The following ZC3H4 variants were observed in gnomAD, a reference collection of about 807,000 sequenced individuals.
ZC3H4 encodes zinc finger CCCH-type containing 4, also known as zinc finger CCCH domain-containing protein 4.
ZC3H4 carries 13 observed loss-of-function variants against 108.3 expected under a neutral mutation model. The ratio of observed to expected loss-of-function variants is 0.12; its 90% CI spans 0.08 to 0.19. The LOEUF (loss-of-function observed/expected upper bound fraction) is 0.19, where lower values mean the gene tolerates loss of function less well. Among genes scored for constraint, ZC3H4 ranks in the 10% least tolerant of loss-of-function variants. The pLI, the probability that ZC3H4 is intolerant of heterozygous loss-of-function variation, is 1.00. For synonymous variants in ZC3H4, 917 were observed against 749.6 expected (o/e 1.22, Z -3.65); for missense variants, 1,734 against 1,838.8 (o/e 0.94, Z 1.04).
intron 4 of ZC3H4, among the ~76,000 whole-genome samples, chr19:47,093,215 CAAAAAAAA>C (rs918382221): frequency 4.1e-5 from 2 of 48,420 alleles, no homozygotes; most frequent in Non-Finnish European, 8.6e-5. Context: ...GACTCTGCCT[CAAAAAAAA>C]AAAAAAAAAA....
chr19:47,081,412 G>A lies in ZC3H4; in HGVS notation c.1440+101C>T, dbSNP rs946309340. On this transcript the variant is annotated intron_variant, in intron 11 of 14. Coordinates refer to ENST00000253048, the MANE Select transcript of ZC3H4 (RefSeq NM_015168.2). ...GGCCCAATTCCAGATCAACCAAACT[G>A]GGCACTGCAGAGGCTGGACAGGCAG... 26 of 888,782 alleles carry A rather than the reference G, an allele frequency of 2.9e-5. No individual in the cohort carries two copies. The African/African-American group carries it at 3.6e-4, about 12-fold the overall frequency. The allele number at this position is 888,782 out of a possible 1,614,324, so 55.1% of individuals were successfully genotyped here. A position where few individuals can be genotyped will look rare whatever the true frequency, so the allele number is the denominator to read the frequency against.
chr19:47,094,689 A>G, intron 2 of ZC3H4, 81 bp from the exon 3 acceptor site: 2 of 1,433,482 alleles, frequency 1.4e-6, no homozygotes, highest in Non-Finnish European at 1.9e-6. Context: ...CAAGGCTGAC[A>G]GGAACCGAAG....
Position 47,085,360 on chromosome 19 carries a change from C to A in ZC3H4, c.925G>T (p.Glu309Ter). 1.2e-6 allele frequency: 2 copies of A among 1,603,732 alleles called. No homozygotes were observed. The highest frequency in any genetic ancestry group is 1.7e-6 in the Non-Finnish European group (2 of 1,174,596). Residue 309 changes from glutamate (E) to a stop codon, truncating the protein, a stop_gained, in exon 7 of 15, where the codon GAG becomes TAG. Transcript: ENST00000253048. LOFTEE classifies it high-confidence loss of function. ...TTGGAGCGGCGGTACTGGTTCAGCTCCTTGGAGTACTCGTCATAGTCGTCG... is the reference window on the plus strand; with the variant it reads ...TTGGAGCGGCGGTACTGGTTCAGCTACTTGGAGTACTCGTCATAGTCGTCG... ...GDDDYDEYSK[E>*]LNQYRRSKDS...
chr19:47,089,161 G>A (rs142114524), intron 5 of ZC3H4, among the ~76,000 whole-genome samples: 3,875 of 141,844 alleles, frequency 0.027, 146 homozygotes, highest in African/African-American at 0.089. Context: ...AGCCGAGATC[G>A]CGCCACTGCA....
In ZC3H4 at chr19:47,112,486, G is replaced by A; in HGVS notation, c.99C>T (p.Ser33=). The change falls in exon 2 of 15, where the codon TCC becomes TCT. Residue 33 remains serine (S), a synonymous_variant. Coordinates refer to ENST00000253048, the MANE Select transcript of ZC3H4 (RefSeq NM_015168.2). ...PPSTPSPPPC[S]PDARPATPHL... is the part of the protein sequence containing the mutation. ...GCGGGGTGGCCGGGCGGGCGTCGGG[G>A]GAACACGGAGGAGGCGAAGGCGTTG... 2 of 1,158,338 alleles carry A rather than the reference G, an allele frequency of 1.7e-6. No individual in the cohort carries two copies. The highest frequency in any genetic ancestry group is 2.2e-6 in the Non-Finnish European group (2 of 912,864). 71.8% of individuals were successfully genotyped at this position (1,158,338 alleles called of 1,614,324 possible).
Position 47,089,363 on chromosome 19 carries a change from CTTTTTGG to C in ZC3H4, c.715+597_715+603del, listed in dbSNP as rs544507999. The stretch of plus-strand genomic sequence containing the variant: ...TCTGGCAGGAGATGGTTCAATGGTT[CTTTTTGG>C]TTGCTGTTGTTGGTCAGGCTGGTCT... On this transcript the variant is annotated intron_variant, in intron 5 of 14. Transcript: ENST00000253048. Among the ~76,000 whole-genome samples, 722 of 152,106 alleles carry C rather than the reference CTTTTTGG, an allele frequency of 4.7e-3. 3 individuals carry two copies. The highest frequency in any genetic ancestry group is 0.016 in the African/African-American group (676 of 41,504).
intron 8 of ZC3H4, 152 bp downstream of exon 8, chr19:47,084,904 G>C: frequency 9.8e-7 from 1 of 1,023,548 alleles, no homozygotes; most frequent in South Asian, 1.5e-5. Context: ...GATAACTCTA[G>C]TTGTCGCTGG....
At position 47,072,777 on chromosome 19, in the gene ZC3H4, G is replaced by A. The variant is rs753589264; in HGVS notation, c.1441-64C>T. 3.0e-5 allele frequency: 48 copies of A among 1,579,796 alleles called. No individual in the cohort carries two copies. Among genetic ancestry groups the A allele is most frequent in the Non-Finnish European group, 3.9e-5 (45 of 1,162,364 alleles). On this transcript the variant is annotated intron_variant, in intron 11 of 14. Coordinates refer to ENST00000253048, the MANE Select transcript of ZC3H4 (RefSeq NM_015168.2). This position sits in a 1 kb window ranked among gnomAD's most constrained non-coding sequence, Gnocchi z 5.6. ...TCAGGATGGAAACGGACCTCTCCAG[G>A]TCTGAGAGCTGAAGTTTATGAGGAA...
rs2057788051 is a variant in ZC3H4 at position 47,094,373 on chromosome 19, G to C, written c.381+16C>G. 1.2e-6 allele frequency: 2 copies of C among 1,613,264 alleles called. No homozygotes were observed. The highest frequency in any genetic ancestry group is 1.7e-5 in the Admixed American group (1 of 60,004). ...CAATGCCAGGCAGTGGCAGTCCCAG[G>C]GGATCTCCGACCTACTTTGTGCTTG... On this transcript the variant is annotated intron_variant, in intron 3 of 14. Coordinates refer to ENST00000253048, the MANE Select transcript of ZC3H4 (RefSeq NM_015168.2).
At chr19:47,103,203 G>A (rs1172968126) in intron 2 of ZC3H4, among the ~76,000 whole-genome samples, 3 of 152,178 alleles carry the variant, frequency 2.0e-5, no homozygotes, top group Non-Finnish European at 4.4e-5. Context: ...GTTTAAAGCT[G>A]CAAAGATCAT....
At chr19:47,105,519 G>GA (rs1306624724) in intron 2 of ZC3H4, among the ~76,000 whole-genome samples, 1 of 152,296 alleles carries the variant, frequency 6.6e-6, no homozygotes, top group East Asian at 1.9e-4. Flanking sequence ...AGAATCCCTT[G>GA]AACCAGGAGG....
chr19:47,072,436 T>C lies in ZC3H4; in HGVS notation c.1718A>G (p.Gln573Arg), dbSNP rs1453400696. 5 of 1,609,890 alleles carry C rather than the reference T, an allele frequency of 3.1e-6. No homozygotes were observed. The highest frequency in any genetic ancestry group is 4.2e-6 in the Non-Finnish European group (5 of 1,178,306). Residue 573 changes from glutamine (Q) to arginine (R), a missense_variant, in exon 12 of 15, where the codon CAG (glutamine) becomes CGG (arginine). Coordinates refer to ENST00000253048, the MANE Select transcript of ZC3H4 (RefSeq NM_015168.2). The surrounding 1 kb of genome is among the most constrained non-coding windows in gnomAD (Gnocchi z 5.6). ...EPLSPQQLQQ[Q>R]DMYNKKIPSL... ...GGGGATCTTCTTGTTGTACATGTCCTGCTGCTGCAGCTGCTGCGGGGACAG... is the reference window on the plus strand; with the variant it reads ...GGGGATCTTCTTGTTGTACATGTCCCGCTGCTGCAGCTGCTGCGGGGACAG...
chr19:47,066,590 A>C lies in ZC3H4; in HGVS notation c.3678T>G (p.Ala1226=), dbSNP rs2057202051. 2 of 1,598,812 alleles carry C rather than the reference A, an allele frequency of 1.3e-6. No homozygotes were observed. Residue 1226 remains alanine, a synonymous_variant, in exon 15 of 15, where the codon GCT becomes GCG. Coordinates refer to ENST00000253048, the MANE Select transcript of ZC3H4 (RefSeq NM_015168.2). ...TGGCGGTGGTGGCAGCGGGGGCTGCAGCAGCCTTGGGCCGGGGCCGGTTGT... is the reference window on the plus strand; with the variant it reads ...TGGCGGTGGTGGCAGCGGGGGCTGCCGCAGCCTTGGGCCGGGGCCGGTTGT... ...NSYNRPRPKA[A]AAPAATTATP...
rs79226247 is a variant in ZC3H4, at chr19:47,075,543, T to C, written c.1441-2830A>G. On this transcript the variant is annotated intron_variant, in intron 11 of 14. Transcript: ENST00000253048. Reference sequence around the variant, plus strand: ...GCCTCTTGAATGTCTGCCTCCTGAATAGAGCCCAGCTAGAGTCCTGGGCTC... The same window carrying C: ...GCCTCTTGAATGTCTGCCTCCTGAACAGAGCCCAGCTAGAGTCCTGGGCTC... Among the ~76,000 whole-genome samples the C allele has an allele frequency of 5.9e-3, 900 of 152,026 alleles. 10 individuals carry two copies. Among genetic ancestry groups the C allele is most frequent in the African/African-American group, 0.02 (842 of 41,476 alleles).
intron 4 of ZC3H4, chr19:47,093,703 C>T (rs770011812): frequency 1.6e-4 from 53 of 336,374 alleles, no homozygotes; most frequent in Non-Finnish European, 2.4e-4. Context: ...GGGATCTTCT[C>T]ACCTCTGCCT....
rs770220818 is a variant in ZC3H4 at position 47,067,507 on chromosome 19, G to A, written c.2761C>T (p.Pro921Ser). 7.6e-6 allele frequency: 12 copies of A among 1,588,282 alleles called. No homozygotes were observed. The Admixed American group carries it at 1.6e-4, about 21-fold the overall frequency. Reference sequence around the variant, plus strand: ...TCCCCTTCCTCCTCCTCCGTTGGGGGCGGCCCAGACCCCTTGGAACTGCTG... The same window carrying A: ...TCCCCTTCCTCCTCCTCCGTTGGGGACGGCCCAGACCCCTTGGAACTGCTG... The part of the protein sequence containing the change: ...GPSSSKGSGP[P>S]PTEEEEGERA... Residue 921 changes from proline (P) to serine (S), a missense_variant, in exon 15 of 15, where the codon CCC becomes TCC. This residue lies in a region of ZC3H4 where 540 missense variants were observed against 484.1 expected (regional missense o/e 1.12). Coordinates refer to ENST00000253048, the MANE Select transcript of ZC3H4 (RefSeq NM_015168.2). This position sits in a 1 kb window ranked among gnomAD's most constrained non-coding sequence, Gnocchi z 6.4.
chr19:47,080,225 G>A (rs2057496667), intron 11 of ZC3H4, among the ~76,000 whole-genome samples: 1 of 152,192 alleles, frequency 6.6e-6, no homozygotes, highest in Non-Finnish European at 1.5e-5. Flanking sequence ...GATGAATCAG[G>A]AAACTCAGGA....
Position 47,086,515 on chromosome 19 carries a change from A to AGCCCCG in ZC3H4, c.733_738dup (p.Arg245_Gly246dup). ...CCTCCACGGCTTCCTCGGCCCCTGTAGCCCCGGCCCCGGCCTCGGCTGCCT... is the reference window on the plus strand; with the variant it reads ...CCTCCACGGCTTCCTCGGCCCCTGTAGCCCCGGCCCCGGCCCCGGCCTCGGCTGCCT... On this transcript the variant is annotated inframe_insertion, in exon 6 of 15. Coordinates refer to ENST00000253048, the MANE Select transcript of ZC3H4 (RefSeq NM_015168.2). The AGCCCCG allele has an allele frequency of 6.2e-7, 1 of 1,600,416 alleles. No homozygotes were observed. Among genetic ancestry groups the AGCCCCG allele is most frequent in the Non-Finnish European group, 8.5e-7 (1 of 1,177,036 alleles).
At chr19:47,096,737 G>A (rs994966486) in intron 2 of ZC3H4, 1 of 909,870 alleles carries the variant, frequency 1.1e-6, no homozygotes, top group Non-Finnish European at 1.3e-6. Context: ...AAAGCTGAGA[G>A]GGACATGATC....
Sources: gnomAD v4.1 joint callset for allele counts (sites outside exome capture counted in the v4.1 genomes callset) on GRCh38, gnomAD v4.1.1 for gene constraint, gnomAD v4.1.1 regional missense constraint, Gnocchi (gnomAD v3.1) non-coding constraint, MANE v1.5 for transcripts, NCBI Gene and HGNC (gene_info 2026-07-23, HGNC 2026-07-21) for gene names.